Variants in AXDND1 observed in about 807,000 individuals in gnomAD.
The protein encoded by AXDND1 is axonemal dynein light chain domain containing 1, also known as axonemal dynein light chain domain-containing protein 1.
A neutral mutation model predicts 137.5 loss-of-function variants in AXDND1; 110 were observed. The ratio of observed to expected loss-of-function variants is 0.80; its 90% confidence interval spans 0.69 to 0.94. The LOEUF (loss-of-function observed/expected upper bound fraction) is 0.94. Ranked by LOEUF, AXDND1 falls within the 40% of genes least tolerant of loss-of-function variation. The probability of loss-of-function intolerance (pLI) is 0.00; values close to 1 mark genes in which losing one functional copy is unlikely to be tolerated. For synonymous variants in AXDND1, 414 were observed against 399.7 expected (o/e 1.04, Z -0.43); for missense variants, 1,191 against 1,169.8 (o/e 1.02, Z -0.26).
At chr1:179,380,231 A>G (rs1648033954) in intron 6 of AXDND1, among the ~76,000 whole-genome samples, 2 of 152,150 alleles carry the variant, frequency 1.3e-5, no homozygotes. Context: ...CCTGGGCGAC[A>G]GAGTGAGACT....
At chr1:179,384,513 TAAG>T (rs1648893888) in intron 8 of AXDND1, among the ~76,000 whole-genome samples, 1 of 152,214 alleles carries the variant, frequency 6.6e-6, no homozygotes, top group Admixed American at 6.5e-5. Context: ...GTCCAGAATC[TAAG>T]AAATCACATA....
At chr1:179,440,046 T>A (rs1322296525) in intron 15 of AXDND1, among the ~76,000 whole-genome samples, 2 of 152,224 alleles carry the variant, frequency 1.3e-5, no homozygotes, top group Non-Finnish European at 2.9e-5. Flanking sequence ...GTCTTATCAT[T>A]TGTACCAGGA....
intron 20 of AXDND1, among the ~76,000 whole-genome samples, chr1:179,501,410 T>C (rs1433378063): frequency 6.6e-6 from 1 of 152,168 alleles, no homozygotes; most frequent in Non-Finnish European, 1.5e-5. Context: ...TGATGAACTT[T>C]CCAATTAAAA....
intron 17 of AXDND1, among the ~76,000 whole-genome samples, chr1:179,480,163 C>T (rs1351623484): frequency 2.6e-5 from 4 of 152,132 alleles, no homozygotes; most frequent in Non-Finnish European, 4.4e-5. Context: ...CTCCAGGTAC[C>T]GATTTACTGT....
At chr1:179,446,245 C>T (rs1006502668) in intron 16 of AXDND1, among the ~76,000 whole-genome samples, 1 of 152,058 alleles carries the variant, frequency 6.6e-6, no homozygotes, top group East Asian at 1.9e-4. Context: ...TTTCATACTA[C>T]CAGAGAACAG....
chr1:179,533,724 A>C (rs1225320917), intron 23 of AXDND1, 71 bp from the exon 24 acceptor site: 1 of 1,219,652 alleles, frequency 8.2e-7, no homozygotes, highest in African/African-American at 1.5e-5. Context: ...TTGATCCAGA[A>C]CATCCTAAAA....
chr1:179,528,546 G>T, intron 23 of AXDND1, 115 bp downstream of exon 23: 4 of 441,372 alleles, frequency 9.1e-6, no homozygotes, highest in Non-Finnish European at 1.1e-5. Flanking sequence ...CCTAAGTCAT[G>T]TATTTTACAG....
chr1:179,432,294 G>T lies in AXDND1; in HGVS notation c.1515G>T (p.Lys505Asn). 1.3e-6 allele frequency: 2 copies of T among 1,567,788 alleles called. No individual in the cohort carries two copies. Among genetic ancestry groups the T allele is most frequent in the South Asian group, 2.4e-5 (2 of 84,838 alleles). Residue 505 changes from lysine to asparagine, a missense_variant, in exon 15 of 26, where the codon AAG becomes AAT. Transcript: ENST00000367618. ...FNEKDILSPN[K>N]GNIFNSVLLD... Reference sequence around the variant, plus strand: ...AAAAAGACATTTTATCCCCTAATAAGGGAAATATATTTAATTCAGTTCTTT... The same window carrying T: ...AAAAAGACATTTTATCCCCTAATAATGGAAATATATTTAATTCAGTTCTTT...
At chr1:179,447,923 G>T (rs998781593) in intron 16 of AXDND1, 51 of 1,371,968 alleles carry the variant, frequency 3.7e-5, no homozygotes, top group Non-Finnish European at 5.3e-5. Context: ...GGTGGAGAGA[G>T]CGTGTTTAAA....
At chr1:179,503,416 A>G (rs985283799) in intron 20 of AXDND1, among the ~76,000 whole-genome samples, 16 of 152,086 alleles carry the variant, frequency 1.1e-4, no homozygotes, top group Non-Finnish European at 2.4e-4. Context: ...GGAAAATAGT[A>G]TCATTAATCC....
chr1:179,428,046 T>C lies in AXDND1; in HGVS notation c.1231-1472T>C, dbSNP rs111946665. ...TGATTCTCAAAACAATGCTGGACTT[T>C]TACAAGATTAGAAGTAAAGAGAATA... On this transcript the variant is annotated intron_variant, in intron 12 of 25. Transcript: ENST00000367618. 3.6e-3 allele frequency among the ~76,000 whole-genome samples: 541 copies of C among 152,284 alleles called. 4 individuals are homozygous for C. The highest frequency in any genetic ancestry group is 0.012 in the African/African-American group (508 of 41,568).
At chr1:179,485,751 A>AT (rs1665965761) in intron 18 of AXDND1, among the ~76,000 whole-genome samples, 1 of 142,466 alleles carries the variant, frequency 7.0e-6, no homozygotes, top group East Asian at 2.2e-4. Flanking sequence ...ACGTACAAGA[A>AT]AGTTGAAACT....
At chr1:179,491,218 G>A (rs1666859030) in intron 18 of AXDND1, among the ~76,000 whole-genome samples, 2 of 152,120 alleles carry the variant, frequency 1.3e-5, no homozygotes, top group Non-Finnish European at 2.9e-5. Context: ...GGTTAAGATG[G>A]ATGGATCACC....
intron 16 of AXDND1, among the ~76,000 whole-genome samples, chr1:179,461,903 G>A (rs897910718): frequency 6.6e-6 from 1 of 152,190 alleles, no homozygotes; most frequent in Admixed American, 6.5e-5. Context: ...TTTGTATCCT[G>A]AGACTTTGCT....
At chr1:179,388,810 A>G (rs1212023593) in intron 9 of AXDND1, among the ~76,000 whole-genome samples, 1 of 145,556 alleles carries the variant, frequency 6.9e-6, no homozygotes, top group Non-Finnish European at 1.5e-5. Context: ...TGGCCAGGCT[A>G]GTCTTGAACT....
chr1:179,491,747 T>G lies in AXDND1; in HGVS notation c.2291+10T>G, dbSNP rs781369710. Reference sequence around the variant, plus strand: ...CCAGCTATTTGAGCAGGTGAAGCGGTTATTTTATTGTTGCCCTTTTGAAGA... The same window carrying G: ...CCAGCTATTTGAGCAGGTGAAGCGGGTATTTTATTGTTGCCCTTTTGAAGA... On this transcript the variant is annotated intron_variant, in intron 19 of 25. Coordinates refer to ENST00000367618, the MANE Select transcript of AXDND1 (RefSeq NM_144696.6). The G allele has an allele frequency of 3.9e-6, 6 of 1,529,342 alleles. No homozygotes were observed. Among genetic ancestry groups the G allele is most frequent in the Non-Finnish European group, 5.3e-6 (6 of 1,141,280 alleles). 94.7% of individuals were successfully genotyped at this position (1,529,342 alleles called of 1,614,324 possible). A position where few individuals can be genotyped will look rare whatever the true frequency, so the allele number is the denominator to read the frequency against.
At chr1:179,503,026 C>T (rs1299997516) in intron 20 of AXDND1, among the ~76,000 whole-genome samples, 4 of 148,952 alleles carry the variant, frequency 2.7e-5, no homozygotes, top group African/African-American at 5.0e-5. Flanking sequence ...ACCCGGGAGG[C>T]GGAGGTTGCG....
rs954149577 is a variant in AXDND1 at position 179,378,930 on chromosome 1, G to GTAT, written c.495+175_495+177dup. 1.1e-4 allele frequency among the ~76,000 whole-genome samples: 17 copies of GTAT among 152,168 alleles called. 1 individual carries two copies. In the East Asian group the frequency reaches 2.5e-3, roughly 22 times the overall value. ...AATTACTTCTTAAAATGGGAAAAGGGTATTTAGCAGGAAAAGATCAAAATG... is the reference window on the plus strand; with the variant it reads ...AATTACTTCTTAAAATGGGAAAAGGGTATTATTTAGCAGGAAAAGATCAAAATG... On this transcript the variant is annotated intron_variant, in intron 5 of 25. Coordinates refer to ENST00000367618, the MANE Select transcript of AXDND1 (RefSeq NM_144696.6).
chr1:179,386,955 A>G (rs1049631515), intron 9 of AXDND1, among the ~76,000 whole-genome samples: 5 of 151,618 alleles, frequency 3.3e-5, no homozygotes, highest in African/African-American at 1.2e-4. Flanking sequence ...ATATATTTTC[A>G]TCTCAGACAT....
Sources: allele counts gnomAD v4.1 joint callset (sites outside exome capture counted in the v4.1 genomes callset), GRCh38; gene constraint gnomAD v4.1.1; transcripts MANE v1.5; gene names NCBI Gene and HGNC (gene_info 2026-07-23, HGNC 2026-07-21).